The following CACNG6 variants were observed in gnomAD, a reference collection of about 807,000 sequenced individuals.
CACNG6 encodes voltage-dependent calcium channel gamma-6 subunit.
Under a neutral mutation model 23.9 loss-of-function variants are expected in CACNG6, and 21 were observed. That is an observed-to-expected ratio of 0.88 (90% CI 0.62 to 1.26). CACNG6 has a LOEUF of 1.26. Ranked by LOEUF, CACNG6 falls within the 50% of genes most tolerant of loss-of-function variation. CACNG6 has a pLI of 0.00. For synonymous variants in CACNG6, 182 were observed against 168.9 expected (o/e 1.08, Z -0.60); for missense variants, 340 against 352.9 (o/e 0.96, Z 0.29).
At chr19:54,006,205 C>T (rs2069643172) in intron 3 of CACNG6, among the ~76,000 whole-genome samples, 1 of 151,948 alleles carries the variant, frequency 6.6e-6, no homozygotes, top group African/African-American at 2.4e-5. Flanking sequence ...ACCTGAAATT[C>T]TCTGCTTATT....
At chr19:54,009,122 C>T (rs12459910) in intron 3 of CACNG6, among the ~76,000 whole-genome samples, 1 of 152,084 alleles carries the variant, frequency 6.6e-6, no homozygotes, top group Non-Finnish European at 1.5e-5. Context: ...AACCATGACT[C>T]TACTAAAAAT....
chr19:54,005,222 T>TAAATAAAC (rs1191469501), intron 3 of CACNG6, among the ~76,000 whole-genome samples: 2 of 92,814 alleles, frequency 2.2e-5, no homozygotes, highest in African/African-American at 1.6e-4. Flanking sequence ...AATAAATAAA[T>TAAATAAAC]AAATAAATAA....
At chr19:54,002,809 G>A (rs34281166) in intron 3 of CACNG6, among the ~76,000 whole-genome samples, 8,133 of 152,214 alleles carry the variant, frequency 0.053, 395 homozygotes, top group East Asian at 0.18. Context: ...GTTAGATTGC[G>A]TGTCAGGGAC....
intron 1 of CACNG6, among the ~76,000 whole-genome samples, chr19:53,993,663 C>T: frequency 6.7e-6 from 1 of 149,926 alleles, no homozygotes; most frequent in Non-Finnish European, 1.5e-5. Context: ...CTATCCTGTA[C>T]CCCCAGATGA....
At position 53,999,702 on chromosome 19, in the gene CACNG6, A is replaced by G. The variant is rs770346942; in HGVS notation, c.475A>G (p.Ile159Val). The G allele has an allele frequency of 1.2e-6, 2 of 1,613,834 alleles. No individual in the cohort carries two copies. Among genetic ancestry groups the G allele is most frequent in the South Asian group, 1.1e-5 (1 of 91,082 alleles). The change falls in exon 3 of 4, where the codon ATC becomes GTC. Residue 159 changes from isoleucine to valine, a missense_variant. Coordinates refer to ENST00000252729, the MANE Select transcript of CACNG6 (RefSeq NM_145814.2). The stretch of plus-strand genomic sequence containing the variant: ...AGTCATGGCCTTGGGGTGCCTCTGT[A>G]TCATCATGGTGCTCAGTAAAGGTGC... ...LAVMALGCLCIIMVLSKGAEF... is the reference protein window; with the variant it reads ...LAVMALGCLCVIMVLSKGAEF...
chr19:53,994,382 T>C (rs1010032788), intron 1 of CACNG6, among the ~76,000 whole-genome samples: 36 of 152,066 alleles, frequency 2.4e-4, no homozygotes, highest in African/African-American at 8.7e-4. Context: ...CCATACTCCC[T>C]CCTTTCCCAA....
chr19:54,007,283 C>T (rs979832254), intron 3 of CACNG6, among the ~76,000 whole-genome samples: 11 of 152,200 alleles, frequency 7.2e-5, no homozygotes, highest in East Asian at 3.9e-4. Flanking sequence ...TCCTGCGATC[C>T]GCTCGCCTTG....
chr19:54,004,334 TTTGTGTGTGTGTG>T lies in CACNG6; in HGVS notation c.544+4565_544+4577del, dbSNP rs1229777986. Among the ~76,000 whole-genome samples the T allele has an allele frequency of 3.7e-3, 467 of 126,532 alleles. 11 individuals carry two copies. Among genetic ancestry groups the T allele is most frequent in the African/African-American group, 0.014 (424 of 29,324 alleles). The allele number at this position is 126,532 out of a possible 152,430, so 83.0% of individuals were successfully genotyped here. ...CACCACGCCTGGTTAATTTTGTATT[TTTGTGTGTGTGTG>T]TGTGTGTGTGTGTGTGTGTGTGTGT... On this transcript the variant is annotated intron_variant, in intron 3 of 3. Transcript: ENST00000252729.
Position 53,993,078 on chromosome 19 carries a change from C to T in CACNG6, c.201C>T (p.Thr67=). The T allele has an allele frequency of 6.5e-7, 1 of 1,542,376 alleles. No individual in the cohort carries two copies. The highest frequency in any genetic ancestry group is 8.7e-7 in the Non-Finnish European group (1 of 1,143,308). ...CCGAGTTCTGGGTGGAGCTCAACAC[C>T]TACAAGGCCAACGGCAGCGCCGTGT... ...VGTEFWVELN[T]YKANGSAVCE... is the part of the protein sequence containing the mutation. The change falls in exon 1 of 4, where the codon ACC becomes ACT. Residue 67 remains threonine, a synonymous_variant. Coordinates refer to ENST00000252729, the MANE Select transcript of CACNG6 (RefSeq NM_145814.2).
chr19:54,005,269 A>AGAGTG (rs1568816885), intron 3 of CACNG6, among the ~76,000 whole-genome samples: 8 of 147,640 alleles, frequency 5.4e-5, no homozygotes, highest in Non-Finnish European at 1.2e-4. Context: ...AAGAAAGAGC[A>AGAGTG]CGTGAGAGAA....
chr19:53,995,822 C>T (rs921139155), intron 1 of CACNG6, among the ~76,000 whole-genome samples: 3 of 152,178 alleles, frequency 2.0e-5, no homozygotes, highest in Admixed American at 6.5e-5. Flanking sequence ...CCACAACATC[C>T]GGCTAATTTT....
At chr19:54,006,527 T>C (rs986945316) in intron 3 of CACNG6, among the ~76,000 whole-genome samples, 3 of 139,738 alleles carry the variant, frequency 2.1e-5, no homozygotes, top group Non-Finnish European at 3.1e-5. Context: ...CTTTTCTTTT[T>C]TTTTTTTTTT....
At chr19:54,006,994 G>T (rs974556991) in intron 3 of CACNG6, among the ~76,000 whole-genome samples, 1 of 151,736 alleles carries the variant, frequency 6.6e-6, no homozygotes, top group African/African-American at 2.4e-5. Flanking sequence ...TTGGATTAGG[G>T]TTCCTTCTGA....
chr19:54,002,114 G>T (rs975660973), intron 3 of CACNG6, among the ~76,000 whole-genome samples: 2 of 150,356 alleles, frequency 1.3e-5, no homozygotes, highest in Non-Finnish European at 3.0e-5. Flanking sequence ...TTGAGACAGG[G>T]TCTCGCTCTC....
Position 53,992,935 on chromosome 19 carries a change from C to T in CACNG6, c.58C>T (p.Arg20Trp). ...GAACCGGCGGCGGGGGGCCGCGGGCCGGCGGCGGGCGCACGGGCAGGGCAG... is the reference window on the plus strand; with the variant it reads ...GAACCGGCGGCGGGGGGCCGCGGGCTGGCGGCGGGCGCACGGGCAGGGCAG... ...EENRRRGAAG[R>W]RRAHGQGRSG... Residue 20 changes from arginine (R) to tryptophan (W), a missense_variant, in exon 1 of 4, where the codon CGG (arginine) becomes TGG (tryptophan). Physicochemically the swap from Arg to Trp is moderately radical, Grantham distance 101 (BLOSUM62 -3). Coordinates refer to ENST00000252729, the MANE Select transcript of CACNG6 (RefSeq NM_145814.2). The surrounding 1 kb of genome is among the most constrained non-coding windows in gnomAD (Gnocchi z 4.1). 1.4e-6 allele frequency: 2 copies of T among 1,386,204 alleles called. No individual in the cohort carries two copies. The highest frequency in any genetic ancestry group is 2.8e-5 in the East Asian group (1 of 35,688). The allele number at this position is 1,386,204 out of a possible 1,614,324, so 85.9% of individuals were successfully genotyped here. A position where few individuals can be genotyped will look rare whatever the true frequency, so the allele number is the denominator to read the frequency against.
At chr19:54,008,691 C>T (rs187217352) in intron 3 of CACNG6, among the ~76,000 whole-genome samples, 16 of 152,356 alleles carry the variant, frequency 1.1e-4, no homozygotes, top group Middle Eastern at 6.8e-3. Flanking sequence ...GCCGTTGCTT[C>T]GTTTTGAGCA....
intron 2 of CACNG6, 90 bp downstream of exon 2, chr19:53,998,403 C>T (rs1373321955): frequency 2.6e-6 from 3 of 1,170,908 alleles, no homozygotes; most frequent in African/African-American, 1.5e-5. Context: ...CCCTCCTCTG[C>T]TTTACCCCAG....
At chr19:53,996,377 A>C (rs1600054341) in intron 1 of CACNG6, among the ~76,000 whole-genome samples, 1 of 145,168 alleles carries the variant, frequency 6.9e-6, no homozygotes. Context: ...GTCTTTCTTA[A>C]CTTTAAAATT....
intron 1 of CACNG6, among the ~76,000 whole-genome samples, chr19:53,994,296 T>C (rs1366807480): frequency 6.6e-6 from 1 of 152,186 alleles, no homozygotes; most frequent in Non-Finnish European, 1.5e-5. Context: ...TGCAATGTTC[T>C]TCACTTCCTG....
Sources: allele counts gnomAD v4.1 joint callset (sites outside exome capture counted in the v4.1 genomes callset), GRCh38; gene constraint gnomAD v4.1.1; non-coding constraint Gnocchi (gnomAD v3.1); transcripts MANE v1.5; gene names NCBI Gene and HGNC (gene_info 2026-07-23, HGNC 2026-07-21).